Variants in GAB1 observed in about 807,000 individuals in gnomAD.
GAB1 encodes the protein GRB2-associated-binding protein 1.
In GAB1, 19 loss-of-function variants were observed where a neutral mutation model predicts 66.5. The ratio of observed to expected loss-of-function variants is 0.29; its 90% CI spans 0.20 to 0.42. GAB1 has a LOEUF of 0.42. Ranked by LOEUF, GAB1 falls within the 10% of genes least tolerant of loss-of-function variation. The pLI is 1.00. For synonymous variants in GAB1, 294 were observed against 301.4 expected, an observed-to-expected ratio of 0.98 and a Z score of 0.25; for missense variants, 732 against 858.5, an observed-to-expected ratio of 0.85 and a Z score of 1.84.
At chr4:143,426,767 C>A (rs1376292502) in intron 2 of GAB1, among the ~76,000 whole-genome samples, 1 of 152,108 alleles carries the variant, frequency 6.6e-6, no homozygotes, top group East Asian at 1.9e-4. Flanking sequence ...ACTTCTTAGG[C>A]CCAGAAGGTT....
intron 6 of GAB1, among the ~76,000 whole-genome samples, chr4:143,447,258 G>A (rs996164520): frequency 7.9e-5 from 12 of 152,254 alleles, no homozygotes; most frequent in African/African-American, 2.6e-4. Flanking sequence ...TTTTGGCTTA[G>A]GATTGACTTG....
intron 1 of GAB1, among the ~76,000 whole-genome samples, chr4:143,408,650 C>T (rs1732195543): frequency 6.7e-6 from 1 of 149,844 alleles, no homozygotes; most frequent in African/African-American, 2.5e-5. Flanking sequence ...TTTATTTGAC[C>T]ATTATCCTGC....
chr4:143,440,731 C>G (rs1734184357), intron 6 of GAB1, among the ~76,000 whole-genome samples: 1 of 152,164 alleles, frequency 6.6e-6, no homozygotes. Flanking sequence ...CCTTTGTTGA[C>G]TTGTGAAATG....
chr4:143,360,348 A>T (rs967442131), intron 1 of GAB1, among the ~76,000 whole-genome samples: 5 of 152,148 alleles, frequency 3.3e-5, no homozygotes, highest in African/African-American at 1.2e-4. Context: ...TTATTATTTG[A>T]GATAAAAAAT....
intron 1 of GAB1, among the ~76,000 whole-genome samples, chr4:143,401,405 T>C (rs1033110599): frequency 1.3e-5 from 2 of 152,242 alleles, no homozygotes; most frequent in African/African-American, 4.8e-5. Flanking sequence ...ATTATTTGCT[T>C]AGAGCATCAA....
At chr4:143,445,515 A>G (rs1734461153) in intron 6 of GAB1, among the ~76,000 whole-genome samples, 1 of 152,132 alleles carries the variant, frequency 6.6e-6, no homozygotes, top group African/African-American at 2.4e-5. Flanking sequence ...TAGTTTGTGC[A>G]TATTTTCTCC....
intron 6 of GAB1, among the ~76,000 whole-genome samples, chr4:143,458,701 A>G (rs1176529881): frequency 6.6e-6 from 1 of 152,078 alleles, no homozygotes; most frequent in Admixed American, 6.5e-5. Flanking sequence ...GAAAATTATT[A>G]TTAGCATTTA....
chr4:143,440,389 A>G lies in GAB1; in HGVS notation c.1585+7A>G. The G allele has an allele frequency of 1.3e-6, 2 of 1,591,136 alleles. No homozygotes were observed. Among genetic ancestry groups the G allele is most frequent in the Non-Finnish European group, 1.7e-6 (2 of 1,169,276 alleles). On this transcript the variant is annotated splice_region_variant and intron_variant, in intron 6 of 9. Coordinates refer to ENST00000262994, the MANE Select transcript of GAB1 (RefSeq NM_002039.4). Reference sequence around the variant, plus strand: ...CTCAAGCCAGACAGAAAAGGTAAGGAGAGCATGGCAAAGTAAAAGGCTTGG... The same window carrying G: ...CTCAAGCCAGACAGAAAAGGTAAGGGGAGCATGGCAAAGTAAAAGGCTTGG...
chr4:143,360,231 A>G (rs751385740), intron 1 of GAB1, among the ~76,000 whole-genome samples: 2 of 152,212 alleles, frequency 1.3e-5, no homozygotes, highest in Non-Finnish European at 2.9e-5. Context: ...CATATATATC[A>G]CATCAATTTT....
chr4:143,455,826 T>G (rs948783934), intron 6 of GAB1, among the ~76,000 whole-genome samples: 2 of 152,168 alleles, frequency 1.3e-5, no homozygotes, highest in African/African-American at 4.8e-5. Context: ...AGTTCAAAAC[T>G]GAACTCCAAG....
chr4:143,385,155 T>G (rs1338537747), intron 1 of GAB1, among the ~76,000 whole-genome samples: 2 of 152,268 alleles, frequency 1.3e-5, no homozygotes, highest in Non-Finnish European at 2.9e-5. Context: ...TCTCTGAATC[T>G]CCTCTGTAAA....
chr4:143,437,861 G>A, intron 3 of GAB1, 138 bp from the exon 4 acceptor site: 1 of 830,498 alleles, frequency 1.2e-6, no homozygotes, highest in Non-Finnish European at 1.9e-6. Context: ...GAACATTTGT[G>A]CTTTAAATCC....
At chr4:143,342,318 A>T (rs2149640996) in intron 1 of GAB1, among the ~76,000 whole-genome samples, 1 of 152,232 alleles carries the variant, frequency 6.6e-6, no homozygotes, top group East Asian at 1.9e-4. Context: ...TTTTTAAGAG[A>T]TCATCTTGGA....
At chr4:143,442,319 G>A (rs539423141) in intron 6 of GAB1, among the ~76,000 whole-genome samples, 2 of 152,064 alleles carry the variant, frequency 1.3e-5, no homozygotes, top group African/African-American at 2.4e-5. Context: ...TTGAGGTCTC[G>A]CATAAATGTG....
At chr4:143,445,721 T>C (rs1734477153) in intron 6 of GAB1, among the ~76,000 whole-genome samples, 1 of 152,180 alleles carries the variant, frequency 6.6e-6, no homozygotes, top group African/African-American at 2.4e-5. Flanking sequence ...TCCAGGTCTA[T>C]TGAGATGATC....
intron 1 of GAB1, chr4:143,350,012 G>A (rs551758189): frequency 9.3e-5 from 145 of 1,564,794 alleles, no homozygotes; most frequent in South Asian, 1.0e-4. Context: ...CCGCGACCCC[G>A]GCCCCGGATG....
chr4:143,340,871 C>T lies in GAB1; in HGVS notation c.72+3611C>T, dbSNP rs981179332. Among the ~76,000 whole-genome samples the T allele has an allele frequency of 1.8e-4, 28 of 152,216 alleles. 1 individual carries two copies. The highest frequency in any genetic ancestry group is 3.2e-4 in the Non-Finnish European group (22 of 68,016). ...CCCCAATGTATTCCATTTACAGCTC[C>T]GTTTTATGTTTACTGTTTCATAGTC... is the stretch of plus-strand genomic sequence containing the variant. On this transcript the variant is annotated intron_variant, in intron 1 of 9. Coordinates refer to ENST00000262994, the MANE Select transcript of GAB1 (RefSeq NM_002039.4).
chr4:143,464,457 T>C (rs552444735), intron 8 of GAB1, among the ~76,000 whole-genome samples: 7 of 152,090 alleles, frequency 4.6e-5, no homozygotes, highest in Non-Finnish European at 1.0e-4. Context: ...CTCAAACTCC[T>C]GACCTCAGGT....
chr4:143,373,044 A>AAAAC (rs112838556), intron 1 of GAB1, among the ~76,000 whole-genome samples: 2 of 148,154 alleles, frequency 1.3e-5, no homozygotes, highest in African/African-American at 4.9e-5. Context: ...TTCCTTTAAA[A>AAAAC]ACACACACAC....
Sources: gnomAD v4.1 joint callset for allele counts (sites outside exome capture counted in the v4.1 genomes callset) on GRCh38, gnomAD v4.1.1 for gene constraint, MANE v1.5 for transcripts, NCBI Gene and HGNC (gene_info 2026-07-23, HGNC 2026-07-21) for gene names.